CDCP1: variants seen among roughly 807,000 people sequenced by gnomAD.
CDCP1 encodes the protein CUB domain-containing protein 1.
CDCP1 carries 29 observed loss-of-function variants against 60.2 expected under a neutral mutation model. The ratio of observed to expected loss-of-function variants is 0.48; its 90% CI spans 0.36 to 0.66. The LOEUF is 0.66. Among genes scored for constraint, CDCP1 ranks in the 30% least tolerant of loss-of-function variants. CDCP1 has a pLI of 0.00. For synonymous variants in CDCP1, 387 were observed against 431.1 expected (o/e 0.90, Z 1.27); for missense variants, 876 against 1,074.3 (o/e 0.82, Z 2.58).
Position 45,091,037 on chromosome 3 carries a change from T to C in CDCP1, c.1993+136A>G, listed in dbSNP as rs1456712654. 6 of 946,128 alleles carry C rather than the reference T, an allele frequency of 6.3e-6. No individual in the cohort carries two copies. The highest frequency in any genetic ancestry group is 9.4e-6 in the Non-Finnish European group (6 of 638,808). 58.6% of individuals were successfully genotyped at this position (946,128 alleles called of 1,614,324 possible). A position where few individuals can be genotyped will look rare whatever the true frequency, so the allele number is the denominator to read the frequency against. ...TGGGATGGTTTGTTACTCAGCACTA[T>C]TGATGCAATAGCTGACTGATACATG... On this transcript the variant is annotated intron_variant, in intron 7 of 8. Transcript: ENST00000296129. The surrounding 1 kb of genome is among the most constrained non-coding windows in gnomAD (Gnocchi z 4.8).
intron 2 of CDCP1, among the ~76,000 whole-genome samples, chr3:45,113,215 C>A (rs1698729014): frequency 6.6e-6 from 1 of 152,212 alleles, no homozygotes; most frequent in South Asian, 2.1e-4. Flanking sequence ...TCTGAACGTG[C>A]AACTCCCCTG....
At position 45,095,124 on chromosome 3, in the gene CDCP1, G is replaced by T. The variant is rs142934233; in HGVS notation, c.1246+223C>A. Among the ~76,000 whole-genome samples, 1,454 of 152,146 alleles carry T rather than the reference G, an allele frequency of 9.6e-3. 32 individuals carry two copies. Among genetic ancestry groups the T allele is most frequent in the African/African-American group, 0.033 (1,355 of 41,508 alleles). Reference sequence around the variant, plus strand: ...AATTTTTGTATTTTTAGTAAAGATGGGGTTTTACCACGTTGGCCAGGCTGG... The same window carrying T: ...AATTTTTGTATTTTTAGTAAAGATGTGGTTTTACCACGTTGGCCAGGCTGG... On this transcript the variant is annotated intron_variant, in intron 5 of 8. Transcript: ENST00000296129.
chr3:45,138,674 C>A lies in CDCP1; in HGVS notation c.82+7532G>T, dbSNP rs552892563. Among the ~76,000 whole-genome samples, 336 of 152,226 alleles carry A rather than the reference C, an allele frequency of 2.2e-3. 2 individuals carry two copies. Among genetic ancestry groups the A allele is most frequent in the Non-Finnish European group, 3.2e-3 (218 of 68,020 alleles). ...GACCAGCCTGGCCGACATGGTGAAA[C>A]CTCGTCTCTACTAAAAATACAAAAA... is the stretch of plus-strand genomic sequence containing the variant. On this transcript the variant is annotated intron_variant, in intron 1 of 8. Coordinates refer to ENST00000296129, the MANE Select transcript of CDCP1 (RefSeq NM_022842.5).
In CDCP1 at chr3:45,126,171, T is replaced by C. The variant is rs6762729; in HGVS notation, c.83-7550A>G. On this transcript the variant is annotated intron_variant, in intron 1 of 8. Transcript: ENST00000296129. ...CTTTCTTTCTTTCTTTCTTTCTTTC[T>C]TTCCTTCTTTCTCTCTCTCTCTCTT... Among the ~76,000 whole-genome samples, 849 of 140,044 alleles carry C rather than the reference T, an allele frequency of 6.1e-3. 19 individuals are homozygous for C. Among genetic ancestry groups the C allele is most frequent in the East Asian group, 0.025 (110 of 4,470 alleles). 91.9% of individuals were successfully genotyped at this position (140,044 alleles called of 152,430 possible). A position where few individuals can be genotyped will look rare whatever the true frequency, so the allele number is the denominator to read the frequency against.
At chr3:45,124,829 A>G (rs897144942) in intron 1 of CDCP1, among the ~76,000 whole-genome samples, 57 of 152,110 alleles carry the variant, frequency 3.7e-4, no homozygotes, top group African/African-American at 1.4e-3. Flanking sequence ...GCAAGTTTAT[A>G]CCCTACCTCA....
chr3:45,141,346 A>G (rs1180076950), intron 1 of CDCP1, among the ~76,000 whole-genome samples: 1 of 152,234 alleles, frequency 6.6e-6, no homozygotes, highest in East Asian at 1.9e-4. Flanking sequence ...GTGATGTCTT[A>G]TGCACTTTAT....
chr3:45,130,267 G>A (rs985163251), intron 1 of CDCP1, among the ~76,000 whole-genome samples: 1 of 151,108 alleles, frequency 6.6e-6, no homozygotes, highest in Admixed American at 6.6e-5. Context: ...GACCTCAAAC[G>A]CATGCCACCA....
chr3:45,107,356 G>A (rs910421979), intron 4 of CDCP1, among the ~76,000 whole-genome samples: 3 of 152,018 alleles, frequency 2.0e-5, no homozygotes, highest in African/African-American at 7.2e-5. Context: ...ACAGGTGCCT[G>A]CCACCACGCC....
In CDCP1 at chr3:45,091,250, T is replaced by C. The variant is rs991920595; in HGVS notation, c.1916A>G (p.Asn639Ser). Residue 639 changes from asparagine (N) to serine (S), a missense_variant, in exon 7 of 9, where the codon AAC becomes AGC. This residue lies in a region of CDCP1 where 726 missense variants were observed against 935.7 expected (regional missense o/e 0.78). Transcript: ENST00000296129. The surrounding 1 kb of genome is among the most constrained non-coding windows in gnomAD (Gnocchi z 4.8). ...PSFHHHSFWV[N>S]ISNCSPTSGK... Reference sequence around the variant, plus strand: ...GCTCGTGGGGCTGCAGTTAGAGATGTTGACCCAGAAGCTGTGATGGTGGAA... The same window carrying C: ...GCTCGTGGGGCTGCAGTTAGAGATGCTGACCCAGAAGCTGTGATGGTGGAA... 1.9e-6 allele frequency: 3 copies of C among 1,613,748 alleles called. No homozygotes were observed. Among genetic ancestry groups the C allele is most frequent in the Non-Finnish European group, 2.5e-6 (3 of 1,179,984 alleles).
chr3:45,142,849 C>T (rs4683063), intron 1 of CDCP1, among the ~76,000 whole-genome samples: 30,912 of 152,088 alleles, frequency 0.2, 3,294 homozygotes, highest in Admixed American at 0.24. Flanking sequence ...GCCCTAAGAG[C>T]CTCTCTACTC....
chr3:45,099,558 T>C (rs1029189417), intron 4 of CDCP1, among the ~76,000 whole-genome samples: 1 of 152,204 alleles, frequency 6.6e-6, no homozygotes, highest in African/African-American at 2.4e-5. Context: ...CAAATGTTCC[T>C]GAAATATTTT....
At chr3:45,110,954 T>C in intron 3 of CDCP1, 113 bp from the exon 4 acceptor site, 1 of 1,190,998 alleles carries the variant, frequency 8.4e-7, no homozygotes, top group Non-Finnish European at 1.2e-6. Flanking sequence ...TCTCAGATCC[T>C]GAGCAGTGGG....
At chr3:45,108,569 C>A (rs909466256) in intron 4 of CDCP1, among the ~76,000 whole-genome samples, 17 of 151,700 alleles carry the variant, frequency 1.1e-4, no homozygotes, top group Admixed American at 2.6e-4. Context: ...GTCTTCTAAA[C>A]CCCAAGCCCA....
intron 4 of CDCP1, among the ~76,000 whole-genome samples, chr3:45,099,177 G>A (rs1041359339): frequency 1.3e-5 from 2 of 150,566 alleles, no homozygotes; most frequent in African/African-American, 4.9e-5. Flanking sequence ...CAGCCTTCAG[G>A]TGCTTCTTGA....
At chr3:45,133,166 C>T (rs570447883) in intron 1 of CDCP1, among the ~76,000 whole-genome samples, 1 of 152,140 alleles carries the variant, frequency 6.6e-6, no homozygotes, top group South Asian at 2.1e-4. Flanking sequence ...TGGTTGAAAG[C>T]CAGCAAGGAA....
intron 4 of CDCP1, among the ~76,000 whole-genome samples, chr3:45,104,428 C>T (rs1576089917): frequency 6.6e-6 from 1 of 152,236 alleles, no homozygotes; most frequent in Non-Finnish European, 1.5e-5. Flanking sequence ...TCATATGTGG[C>T]TTCAGCAGGC....
chr3:45,118,849 T>C (rs1367419424), intron 1 of CDCP1, among the ~76,000 whole-genome samples: 1 of 152,260 alleles, frequency 6.6e-6, no homozygotes, highest in East Asian at 1.9e-4. Flanking sequence ...TTTGGATTAT[T>C]AATTTTTCTA....
chr3:45,128,793 C>A (rs911773655), intron 1 of CDCP1, among the ~76,000 whole-genome samples: 1 of 152,244 alleles, frequency 6.6e-6, no homozygotes, highest in Admixed American at 6.5e-5. Flanking sequence ...TCTCAGCTCA[C>A]CACAACCTCT....
At chr3:45,131,119 C>A (rs1699086313) in intron 1 of CDCP1, among the ~76,000 whole-genome samples, 1 of 151,930 alleles carries the variant, frequency 6.6e-6, no homozygotes, top group Non-Finnish European at 1.5e-5. Flanking sequence ...GCTTTAGCCT[C>A]CCCAAATGCT....
Sources: allele counts gnomAD v4.1 joint callset (sites outside exome capture counted in the v4.1 genomes callset), GRCh38; gene constraint gnomAD v4.1.1; regional missense constraint gnomAD v4.1.1; non-coding constraint Gnocchi (gnomAD v3.1); transcripts MANE v1.5; gene names NCBI Gene and HGNC (gene_info 2026-07-23, HGNC 2026-07-21).